RUNX2: variants seen among roughly 807,000 people sequenced by gnomAD.
RUNX2 encodes runt-related transcription factor 2.
In RUNX2, 10 loss-of-function variants were observed where a neutral mutation model predicts 51.7. That is an observed-to-expected ratio of 0.19 (90% CI 0.12 to 0.33). The LOEUF (loss-of-function observed/expected upper bound fraction) is 0.33, where lower values mean the gene tolerates loss of function less well. RUNX2 is among the 10% of genes least tolerant of loss of function. RUNX2 has a pLI of 1.00. For synonymous variants in RUNX2, 276 were observed against 273.6 expected (o/e 1.01, Z -0.09); for missense variants, 562 against 691.3 (o/e 0.81, Z 2.10).
At chr6:45,488,038 A>G (rs1274573285) in intron 5 of RUNX2, among the ~76,000 whole-genome samples, 1 of 152,124 alleles carries the variant, frequency 6.6e-6, no homozygotes, top group Non-Finnish European at 1.5e-5. Flanking sequence ...AGGGGAGAGC[A>G]CTTCAGGAAT....
At chr6:45,541,882 A>T (rs1802241650) in intron 7 of RUNX2, among the ~76,000 whole-genome samples, 1 of 152,134 alleles carries the variant, frequency 6.6e-6, no homozygotes, top group South Asian at 2.1e-4. Flanking sequence ...AGATCTCCTT[A>T]CCCATTTTCC....
intron 2 of RUNX2, among the ~76,000 whole-genome samples, chr6:45,388,917 A>G (rs1797415571): frequency 6.6e-6 from 1 of 151,654 alleles, no homozygotes; most frequent in Non-Finnish European, 1.5e-5. Context: ...ATATTCAGCG[A>G]CTCCCCCTAT....
rs1232962982 is a variant in RUNX2 at position 45,437,996 on chromosome 6, A to G, written c.630A>G (p.Val210=). ...TITVFTNPPQ[V]ATYHRAIKVT... is the part of the protein sequence containing the mutation. Reference sequence around the variant, plus strand: ...CCGTCTTCACAAATCCTCCCCAAGTAGCTACCTATCACAGAGCAATTAAAG... The same window carrying G: ...CCGTCTTCACAAATCCTCCCCAAGTGGCTACCTATCACAGAGCAATTAAAG... The change falls in exon 5 of 9, where the codon GTA becomes GTG. Residue 210 remains valine, a synonymous_variant. Coordinates refer to ENST00000647337, the MANE Select transcript of RUNX2 (RefSeq NM_001024630.4). 26 of 1,613,702 alleles carry G rather than the reference A, an allele frequency of 1.6e-5. No individual in the cohort carries two copies. In the East Asian group the frequency reaches 5.8e-4, roughly 36 times the overall value.
At chr6:45,493,600 A>G (rs954557750) in intron 6 of RUNX2, among the ~76,000 whole-genome samples, 12 of 152,054 alleles carry the variant, frequency 7.9e-5, no homozygotes, top group Admixed American at 7.9e-4. Context: ...CTTCACCTCT[A>G]TGCACTATAT....
intron 2 of RUNX2, among the ~76,000 whole-genome samples, chr6:45,352,126 C>A (rs1054142905): frequency 6.6e-6 from 1 of 152,096 alleles, no homozygotes; most frequent in African/African-American, 2.4e-5. Flanking sequence ...TTTTTATAAG[C>A]AAAAGAAGTG....
chr6:45,547,313 C>T lies in RUNX2; in HGVS notation c.*8C>T, dbSNP rs200866173. 5.0e-6 allele frequency: 8 copies of T among 1,606,622 alleles called. No individual in the cohort carries two copies. The highest frequency in any genetic ancestry group is 1.1e-5 in the South Asian group (1 of 90,908). On this transcript the variant is annotated 3_prime_UTR_variant, in exon 9 of 9. Coordinates refer to ENST00000647337, the MANE Select transcript of RUNX2 (RefSeq NM_001024630.4). Reference sequence around the variant, plus strand: ...GTTTGGCGACCATATTGAAATTCCTCAGCAGTGGCCCAGTGGTATCTGGGG... The same window carrying T: ...GTTTGGCGACCATATTGAAATTCCTTAGCAGTGGCCCAGTGGTATCTGGGG...
intron 5 of RUNX2, among the ~76,000 whole-genome samples, chr6:45,488,796 C>T (rs1800363402): frequency 6.6e-6 from 1 of 152,176 alleles, no homozygotes; most frequent in African/African-American, 2.4e-5. Context: ...TTCCATTCTT[C>T]ATACCCTCCT....
At position 45,422,749 on chromosome 6, in the gene RUNX2, A is replaced by AGGCGGCGGC. The variant is rs746557318; in HGVS notation, c.222_230dup (p.Ala87_Ala89dup). The AGGCGGCGGC allele has an allele frequency of 1.3e-6, 2 of 1,531,122 alleles. No individual in the cohort carries two copies. The highest frequency in any genetic ancestry group is 1.7e-6 in the Non-Finnish European group (2 of 1,143,324). 94.8% of individuals were successfully genotyped at this position (1,531,122 alleles called of 1,614,324 possible). On this transcript the variant is annotated inframe_insertion, in exon 3 of 9. Coordinates refer to ENST00000647337, the MANE Select transcript of RUNX2 (RefSeq NM_001024630.4). Reference sequence around the variant, plus strand: ...CAGCAACAGCAGCAGCAGCAGCAGGAGGCGGCGGCGGCGGCTGCGGCGGCG... The same window carrying AGGCGGCGGC: ...CAGCAACAGCAGCAGCAGCAGCAGGAGGCGGCGGCGGCGGCGGCGGCGGCTGCGGCGGCG...
At chr6:45,407,720 G>A (rs1025300366) in intron 2 of RUNX2, among the ~76,000 whole-genome samples, 16 of 151,348 alleles carry the variant, frequency 1.1e-4, no homozygotes, top group African/African-American at 3.6e-4. Flanking sequence ...GGCTGGTCTT[G>A]AACTCCTGGC....
intron 4 of RUNX2, among the ~76,000 whole-genome samples, chr6:45,436,175 T>C (rs1040058967): frequency 2.6e-5 from 4 of 152,234 alleles, no homozygotes; most frequent in African/African-American, 9.6e-5. Context: ...TTAGTCCATT[T>C]ATGTTTACTG....
rs139463318 is a variant in RUNX2, at chr6:45,463,077, G to T, written c.685+25026G>T. Among the ~76,000 whole-genome samples, 306 of 152,304 alleles carry T rather than the reference G, an allele frequency of 2.0e-3. 1 individual carries two copies. The highest frequency in any genetic ancestry group is 3.2e-3 in the Non-Finnish European group (217 of 68,026). On this transcript the variant is annotated intron_variant, in intron 5 of 8. Coordinates refer to ENST00000647337, the MANE Select transcript of RUNX2 (RefSeq NM_001024630.4). ...GTATCTGACCTGAAAGGAGCACATCGCAGGCAGTTTCTCTTTCTACCAAAT... is the reference window on the plus strand; with the variant it reads ...GTATCTGACCTGAAAGGAGCACATCTCAGGCAGTTTCTCTTTCTACCAAAT...
intron 2 of RUNX2, among the ~76,000 whole-genome samples, chr6:45,332,234 CT>C (rs1374340786): frequency 2.0e-5 from 3 of 151,532 alleles, no homozygotes; most frequent in Non-Finnish European, 1.5e-5. Flanking sequence ...ATCTAGAGGG[CT>C]TTCCCCCTCC....
At chr6:45,490,073 G>C (rs893201318) in intron 5 of RUNX2, among the ~76,000 whole-genome samples, 4 of 152,150 alleles carry the variant, frequency 2.6e-5, no homozygotes, top group African/African-American at 9.7e-5. Context: ...TTGGACGAGG[G>C]CTATATCCTC....
chr6:45,512,161 CT>C, intron 6 of RUNX2, 84 bp from the exon 7 acceptor site: 1 of 1,382,398 alleles, frequency 7.2e-7, no homozygotes. Flanking sequence ...TGTTTTTCTG[CT>C]TTTTCCTTTC....
chr6:45,520,404 C>T (rs1801469603), intron 7 of RUNX2, among the ~76,000 whole-genome samples: 1 of 152,168 alleles, frequency 6.6e-6, no homozygotes, highest in Non-Finnish European at 1.5e-5. Context: ...GGTGGTCATG[C>T]ATACCAATTC....
chr6:45,534,747 T>G (rs1425339923), intron 7 of RUNX2, among the ~76,000 whole-genome samples: 1 of 152,186 alleles, frequency 6.6e-6, no homozygotes, highest in Non-Finnish European at 1.5e-5. Flanking sequence ...CAAATTTCAG[T>G]GAAAGACAAG....
At chr6:45,363,215 G>A (rs1794570872) in intron 2 of RUNX2, among the ~76,000 whole-genome samples, 1 of 151,982 alleles carries the variant, frequency 6.6e-6, no homozygotes, top group South Asian at 2.1e-4. Context: ...AATAAGCCTG[G>A]GTATGGTACA....
intron 5 of RUNX2, among the ~76,000 whole-genome samples, chr6:45,491,168 C>G (rs1159170446): frequency 6.6e-6 from 1 of 152,158 alleles, no homozygotes; most frequent in African/African-American, 2.4e-5. Flanking sequence ...CCCCCCTCCG[C>G]CAAATAATGG....
At chr6:45,473,283 A>G (rs980097014) in intron 5 of RUNX2, among the ~76,000 whole-genome samples, 1 of 152,004 alleles carries the variant, frequency 6.6e-6, no homozygotes, top group Admixed American at 6.6e-5. Context: ...CCACCTGCCA[A>G]TTGTGTCTGA....
Sources: allele counts gnomAD v4.1 joint callset (sites outside exome capture counted in the v4.1 genomes callset), GRCh38; gene constraint gnomAD v4.1.1; transcripts MANE v1.5; gene names NCBI Gene and HGNC (gene_info 2026-07-23, HGNC 2026-07-21).